Variants in CXCL13 observed in about 807,000 individuals in gnomAD.
CXCL13 encodes the protein C-X-C motif chemokine ligand 13.
A neutral mutation model predicts 12.2 loss-of-function variants in CXCL13; 7 were observed. The observed-to-expected ratio is 0.57, with a 90% CI of 0.33 to 1.07. The LOEUF (loss-of-function observed/expected upper bound fraction) is 1.07. Among genes scored for constraint, CXCL13 ranks in the 50% least tolerant of loss-of-function variants. The probability of loss-of-function intolerance (pLI) is 0.04; values close to 1 mark genes in which losing one functional copy is unlikely to be tolerated. For missense variants in CXCL13, 113 were observed against 127.4 expected (o/e 0.89, Z 0.55); for synonymous variants, 47 against 42.4 (o/e 1.11, Z -0.42).
At chr4:77,517,330 G>T (rs1361218145) in intron 1 of CXCL13, among the ~76,000 whole-genome samples, 1 of 152,128 alleles carries the variant, frequency 6.6e-6, no homozygotes, top group Admixed American at 6.6e-5. Flanking sequence ...GGTCCACTTG[G>T]TGCAGAGCTG....
Position 77,537,147 on chromosome 4 carries a change from G to A in CXCL13, c.-43+25359G>A, listed in dbSNP as rs530524911. Among the ~76,000 whole-genome samples, 4 of 152,300 alleles carry A rather than the reference G, an allele frequency of 2.6e-5. No homozygotes were observed. In the East Asian group the frequency reaches 5.8e-4, roughly 22 times the overall value. ...AAACGGAATATTTATAAAAACATGA[G>A]CAAGGCATAAAGAAAGAAACTGCAA... On this transcript the variant is annotated intron_variant, in intron 1 of 4. Transcript: ENST00000286758.
intron 1 of CXCL13, among the ~76,000 whole-genome samples, chr4:77,573,766 G>A (rs1726147488): frequency 6.6e-6 from 1 of 151,886 alleles, no homozygotes; most frequent in Admixed American, 6.5e-5. Flanking sequence ...TTCAATTCCT[G>A]GCTTAGGGAA....
At chr4:77,584,343 A>ATGCC (rs1396421092) in intron 1 of CXCL13, among the ~76,000 whole-genome samples, 1 of 152,232 alleles carries the variant, frequency 6.6e-6, no homozygotes, top group East Asian at 1.9e-4. Flanking sequence ...GTCCATCAGC[A>ATGCC]TGCCTTGTCT....
chr4:77,568,439 T>G (rs1725987070), intron 1 of CXCL13, among the ~76,000 whole-genome samples: 2 of 152,306 alleles, frequency 1.3e-5, no homozygotes, highest in Middle Eastern at 3.4e-3. Context: ...AACCAGCCAT[T>G]TTACTTTTCT....
chr4:77,575,877 A>G lies in CXCL13; in HGVS notation c.-42-29947A>G, dbSNP rs913519582. Among the ~76,000 whole-genome samples, 2 of 151,776 alleles carry G rather than the reference A, an allele frequency of 1.3e-5. 1 individual carries two copies. The highest frequency in any genetic ancestry group is 4.9e-5 in the African/African-American group (2 of 41,094). ...GAAAAATATTAACATATATTCCAAAATTGTATGGGGTTTCTAAAATTCTAA... is the reference window on the plus strand; with the variant it reads ...GAAAAATATTAACATATATTCCAAAGTTGTATGGGGTTTCTAAAATTCTAA... On this transcript the variant is annotated intron_variant, in intron 1 of 4. Coordinates refer to the CXCL13 transcript ENST00000286758.
chr4:77,544,970 G>A (rs1485618248), intron 1 of CXCL13, among the ~76,000 whole-genome samples: 1 of 152,146 alleles, frequency 6.6e-6, no homozygotes, highest in Non-Finnish European at 1.5e-5. Flanking sequence ...CATATGGCTA[G>A]GCAGTTTTTC....
At chr4:77,552,099 G>A (rs927298886) in intron 1 of CXCL13, among the ~76,000 whole-genome samples, 3 of 151,984 alleles carry the variant, frequency 2.0e-5, no homozygotes, top group African/African-American at 7.3e-5. Flanking sequence ...TTCCATTTTG[G>A]TTAGGGTCCT....
chr4:77,533,046 A>C (rs1314251330), intron 1 of CXCL13, among the ~76,000 whole-genome samples: 3 of 152,146 alleles, frequency 2.0e-5, no homozygotes, highest in Non-Finnish European at 4.4e-5. Context: ...CATCATGGTC[A>C]TTCTCCATCC....
chr4:77,582,484 A>C (rs1469055624), intron 1 of CXCL13, among the ~76,000 whole-genome samples: 3 of 152,202 alleles, frequency 2.0e-5, no homozygotes, highest in African/African-American at 7.2e-5. Context: ...TTCTCATAGA[A>C]AGTGAGGAGA....
intron 2 of CXCL13, among the ~76,000 whole-genome samples, chr4:77,608,521 C>T (rs748809940): frequency 7.2e-5 from 11 of 152,040 alleles, no homozygotes; most frequent in African/African-American, 1.7e-4. Flanking sequence ...CTCTTCTTTG[C>T]GACACCTTGA....
intron 1 of CXCL13, among the ~76,000 whole-genome samples, chr4:77,589,562 A>T (rs1726558786): frequency 6.6e-6 from 1 of 152,156 alleles, no homozygotes; most frequent in Admixed American, 6.5e-5. Context: ...ATCAGAAAAA[A>T]AAAACCTAGT....
intron 1 of CXCL13, among the ~76,000 whole-genome samples, chr4:77,588,119 TGACCCTACAAAG>T (rs1726522483): frequency 6.9e-6 from 1 of 144,162 alleles, no homozygotes; most frequent in Admixed American, 7.0e-5. Flanking sequence ...TTTTCTTTTC[TGACCCTACAAAG>T]GATTAAAAAA....
intron 1 of CXCL13, among the ~76,000 whole-genome samples, chr4:77,589,865 A>G (rs766599721): frequency 3.3e-5 from 5 of 152,228 alleles, no homozygotes; most frequent in Non-Finnish European, 5.9e-5. Context: ...GGTTCATTCC[A>G]TTCAACAGAC....
chr4:77,542,399 T>C (rs1725226231), intron 1 of CXCL13, among the ~76,000 whole-genome samples: 1 of 152,118 alleles, frequency 6.6e-6, no homozygotes, highest in Non-Finnish European at 1.5e-5. Context: ...ACCAAGTTTG[T>C]TTAAGGTTTC....
At chr4:77,574,489 G>A (rs1412349859) in intron 1 of CXCL13, among the ~76,000 whole-genome samples, 1 of 151,944 alleles carries the variant, frequency 6.6e-6, no homozygotes, top group African/African-American at 2.4e-5. Context: ...GCCTTGGTGT[G>A]TAATAGCTAG....
At chr4:77,594,013 G>A (rs933867886) in intron 1 of CXCL13, among the ~76,000 whole-genome samples, 2 of 152,206 alleles carry the variant, frequency 1.3e-5, no homozygotes, top group African/African-American at 2.4e-5. Flanking sequence ...GGCTGATGTG[G>A]AATTTATAAT....
At chr4:77,518,079 T>G (rs1331864998) in intron 1 of CXCL13, among the ~76,000 whole-genome samples, 2 of 152,196 alleles carry the variant, frequency 1.3e-5, no homozygotes, top group Admixed American at 1.3e-4. Context: ...GAGATGAAAT[T>G]CTGGGTTGAA....
intron 1 of CXCL13, among the ~76,000 whole-genome samples, chr4:77,540,303 T>C (rs1725168821): frequency 6.6e-6 from 1 of 152,130 alleles, no homozygotes; most frequent in African/African-American, 2.4e-5. Context: ...CATGTGCAGG[T>C]TTGTTACCCT....
rs189478549 is a variant in CXCL13 at position 77,588,363 on chromosome 4, G to A, written c.-42-17461G>A. Among the ~76,000 whole-genome samples the A allele has an allele frequency of 5.1e-3, 775 of 152,122 alleles. 4 individuals carry two copies. Among genetic ancestry groups the A allele is most frequent in the Non-Finnish European group, 6.1e-3 (415 of 67,986 alleles). On this transcript the variant is annotated intron_variant, in intron 1 of 4. Transcript: ENST00000286758. ...AAGAGTGGCCACGGTTGGGGTAGGCGGGGAAGTTGATTGGTCCTGACCCCC... is the reference window on the plus strand; with the variant it reads ...AAGAGTGGCCACGGTTGGGGTAGGCAGGGAAGTTGATTGGTCCTGACCCCC...
Sources: allele counts gnomAD v4.1 joint callset (sites outside exome capture counted in the v4.1 genomes callset), GRCh38; gene constraint gnomAD v4.1.1; transcripts MANE v1.5; gene names NCBI Gene and HGNC (gene_info 2026-07-23, HGNC 2026-07-21).